Variants in CTNNA3 observed in about 807,000 individuals in gnomAD.
CTNNA3 encodes catenin alpha 3, also known as catenin alpha-3.
Under a neutral mutation model 95.7 loss-of-function variants are expected in CTNNA3, and 76 were observed. The ratio of observed to expected loss-of-function variants is 0.79; its 90% CI spans 0.66 to 0.96. The LOEUF is 0.96. CTNNA3 is among the 40% of genes least tolerant of loss of function. The probability of loss-of-function intolerance (pLI) is 0.00; values close to 1 mark genes in which losing one functional copy is unlikely to be tolerated. For synonymous variants in CTNNA3, 431 were observed against 374.4 expected, an observed-to-expected ratio of 1.15 and a Z score of -1.74; for missense variants, 1,191 against 1,089.8, an observed-to-expected ratio of 1.09 and a Z score of -1.31.
intron 7 of CTNNA3, among the ~76,000 whole-genome samples, chr10:66,883,329 G>A (rs901699324): frequency 4.6e-5 from 7 of 152,004 alleles, no homozygotes; most frequent in African/African-American, 1.7e-4. Context: ...GGCTGAGTGG[G>A]GGAAGAAAGC....
chr10:67,746,221 G>A (rs1402444653), intron 1 of CTNNA3, among the ~76,000 whole-genome samples: 2 of 152,100 alleles, frequency 1.3e-5, no homozygotes, highest in African/African-American at 4.8e-5. Flanking sequence ...AGCATAAACA[G>A]GGACACAGAC....
intron 9 of CTNNA3, among the ~76,000 whole-genome samples, chr10:66,717,977 C>A (rs1363165774): frequency 6.6e-6 from 1 of 152,012 alleles, no homozygotes; most frequent in Non-Finnish European, 1.5e-5. Flanking sequence ...TTGTAATCAG[C>A]TTTAAGGCAT....
At chr10:66,281,484 C>G (rs1237904143) in intron 12 of CTNNA3, among the ~76,000 whole-genome samples, 1 of 151,744 alleles carries the variant, frequency 6.6e-6, no homozygotes, top group Non-Finnish European at 1.5e-5. Context: ...TCCACAGATT[C>G]ATTCTGTTAA....
In CTNNA3 at chr10:66,530,496, A is replaced by G. The variant is rs113254847; in HGVS notation, c.1375-9723T>C. Among the ~76,000 whole-genome samples the G allele has an allele frequency of 7.7e-3, 1,172 of 152,106 alleles. 20 individuals are homozygous for G. The highest frequency in any genetic ancestry group is 0.027 in the African/African-American group (1,121 of 41,520). On this transcript the variant is annotated intron_variant, in intron 10 of 17. Transcript: ENST00000433211. ...TTTCTTTATTTTGATAACTTTTTCT[A>G]TTTTACCTGCTCTCATACTATACTT...
At chr10:66,580,923 G>A (rs536953051) in intron 10 of CTNNA3, among the ~76,000 whole-genome samples, 25 of 151,636 alleles carry the variant, frequency 1.6e-4, no homozygotes, top group Non-Finnish European at 3.4e-4. Flanking sequence ...TTAAGTCTTC[G>A]ATGTCTATTA....
chr10:67,442,013 A>C (rs1846536077), intron 5 of CTNNA3, among the ~76,000 whole-genome samples: 1 of 152,214 alleles, frequency 6.6e-6, no homozygotes, highest in Non-Finnish European at 1.5e-5. Context: ...TAAGCAGTGC[A>C]ATAAGGCATA....
intron 5 of CTNNA3, among the ~76,000 whole-genome samples, chr10:67,435,203 A>C (rs372047155): frequency 6.6e-6 from 1 of 151,976 alleles, no homozygotes; most frequent in Non-Finnish European, 1.5e-5. Context: ...TTCAAGTGTA[A>C]TTACTGCTCC....
At chr10:67,301,864 G>T (rs1840293198) in intron 5 of CTNNA3, among the ~76,000 whole-genome samples, 1 of 152,020 alleles carries the variant, frequency 6.6e-6, no homozygotes, top group Admixed American at 6.5e-5. Context: ...AGCTAATCGG[G>T]AGGCTGAGGC....
chr10:66,331,818 G>A (rs2092334261), intron 12 of CTNNA3, among the ~76,000 whole-genome samples: 1 of 151,930 alleles, frequency 6.6e-6, no homozygotes, highest in African/African-American at 2.4e-5. Flanking sequence ...CTTTAAAGTA[G>A]TTTTTTCCAA....
chr10:67,148,835 T>C (rs1448886457), intron 7 of CTNNA3, among the ~76,000 whole-genome samples: 1 of 152,218 alleles, frequency 6.6e-6, no homozygotes, highest in Non-Finnish European at 1.5e-5. Flanking sequence ...CAATAGGACT[T>C]CTATCATAGC....
chr10:66,562,722 CT>C lies in CTNNA3; in HGVS notation c.1375-41950del, dbSNP rs368827517. 3.6e-4 allele frequency among the ~76,000 whole-genome samples: 54 copies of C among 151,918 alleles called. 2 individuals are homozygous for C. In the South Asian group the frequency reaches 0.011, roughly 31 times the overall value. ...CAGATCAAAGGTAATTTTAGGATCT[CT>C]TTTAGTTTATTGATTGTAAAATAGT... On this transcript the variant is annotated intron_variant, in intron 10 of 17. Coordinates refer to ENST00000433211, the MANE Select transcript of CTNNA3 (RefSeq NM_013266.4).
chr10:66,298,133 C>A (rs1190734802), intron 12 of CTNNA3, among the ~76,000 whole-genome samples: 3 of 152,158 alleles, frequency 2.0e-5, no homozygotes, highest in African/African-American at 4.8e-5. Flanking sequence ...ACTGGGAGAA[C>A]CCAGCCTCTA....
intron 16 of CTNNA3, among the ~76,000 whole-genome samples, chr10:65,982,697 G>GTGTGTGTGTATGTATATATATATA (rs1564557053): frequency 7.0e-6 from 1 of 143,566 alleles, no homozygotes; most frequent in East Asian, 2.1e-4. Context: ...ATATATATAT[G>GTGTGTGTGTATGTATATATATATA]TGTGTGTGTG....
chr10:66,566,651 G>A (rs1051829565), intron 10 of CTNNA3, among the ~76,000 whole-genome samples: 5 of 151,942 alleles, frequency 3.3e-5, no homozygotes, highest in Admixed American at 2.0e-4. Context: ...CCTTCCCATC[G>A]CTGTCTCCTT....
intron 5 of CTNNA3, among the ~76,000 whole-genome samples, chr10:67,438,733 C>T (rs567458308): frequency 5.9e-5 from 9 of 152,268 alleles, no homozygotes; most frequent in Admixed American, 2.0e-4. Flanking sequence ...AATCTGTGCA[C>T]AAGGGGGTGG....
intron 7 of CTNNA3, among the ~76,000 whole-genome samples, chr10:67,044,794 C>A (rs1198223638): frequency 6.6e-6 from 1 of 152,160 alleles, no homozygotes; most frequent in Non-Finnish European, 1.5e-5. Context: ...GTGGAAAGAT[C>A]ATGGTCTTTG....
At chr10:66,784,046 T>C (rs1413251885) in intron 7 of CTNNA3, among the ~76,000 whole-genome samples, 1 of 152,138 alleles carries the variant, frequency 6.6e-6, no homozygotes, top group Non-Finnish European at 1.5e-5. Context: ...ACTTCCACGA[T>C]TCTGGTTATT....
intron 13 of CTNNA3, among the ~76,000 whole-genome samples, chr10:66,154,309 T>C (rs993263097): frequency 6.6e-5 from 10 of 151,826 alleles, no homozygotes; most frequent in African/African-American, 2.4e-4. Flanking sequence ...ATTAGTCTAC[T>C]GTAGACTTAA....
In CTNNA3 at chr10:66,775,519, T is replaced by C. The variant is rs529117255; in HGVS notation, c.1053A>G (p.Gly351=). ...TCAGGGTATTACTCCTTTCTTTTTT[T>C]CCAGCCTGCAAAGAAGAAAAAACGA... ...DLLSEYMNNA[G]KKERSNTLNI... Residue 351 remains glycine (G), a synonymous_variant, in exon 8 of 18, where the codon GGA becomes GGG. Coordinates refer to ENST00000433211, the MANE Select transcript of CTNNA3 (RefSeq NM_013266.4). The C allele has an allele frequency of 6.2e-7, 1 of 1,607,392 alleles. No individual in the cohort carries two copies. The highest frequency in any genetic ancestry group is 2.2e-5 in the East Asian group (1 of 44,652).
Sources: allele counts gnomAD v4.1 joint callset (sites outside exome capture counted in the v4.1 genomes callset), GRCh38; gene constraint gnomAD v4.1.1; transcripts MANE v1.5; gene names NCBI Gene and HGNC (gene_info 2026-07-23, HGNC 2026-07-21).